DPP6: variants seen among roughly 807,000 people sequenced by gnomAD.
DPP6 encodes dipeptidyl peptidase like 6.
In DPP6, 69 loss-of-function variants were observed where a neutral mutation model predicts 122.6. The ratio of observed to expected loss-of-function variants is 0.56; its 90% CI spans 0.46 to 0.69. The LOEUF is 0.69. DPP6 is among the 30% of genes least tolerant of loss of function. The pLI is 0.00. For missense variants in DPP6, 928 were observed against 1,116.9 expected, an observed-to-expected ratio of 0.83 and a Z score of 2.41; for synonymous variants, 418 against 433.1, an observed-to-expected ratio of 0.97 and a Z score of 0.43.
intron 4 of DPP6, among the ~76,000 whole-genome samples, chr7:154,559,480 C>G (rs1011939382): frequency 6.6e-6 from 1 of 151,932 alleles, no homozygotes; most frequent in Non-Finnish European, 1.5e-5. Context: ...GAAATAATGA[C>G]TGAATTTCTT....
At chr7:153,765,438 A>C in the DPP6 span, among the ~76,000 whole-genome samples, 1 of 152,162 alleles carries the variant, frequency 6.6e-6, no homozygotes, top group Non-Finnish European at 1.5e-5. Flanking sequence ...GCTACTTGGA[A>C]GGCTGAGGCA....
intron 4 of DPP6, among the ~76,000 whole-genome samples, chr7:154,557,235 G>T (rs913979654): frequency 2.0e-4 from 30 of 152,122 alleles, no homozygotes; most frequent in African/African-American, 6.5e-4. Context: ...AGACTGGGGT[G>T]GTCAGAAATG....
chr7:154,633,133 T>G (rs1388265372), intron 5 of DPP6, among the ~76,000 whole-genome samples: 1 of 152,218 alleles, frequency 6.6e-6, no homozygotes, highest in African/African-American at 2.4e-5. Flanking sequence ...AAAATGGCAC[T>G]CTTAGAAAAA....
chr7:153,807,260 A>G, the DPP6 span, among the ~76,000 whole-genome samples: 1 of 151,746 alleles, frequency 6.6e-6, no homozygotes, highest in Admixed American at 6.6e-5. Context: ...TAAAAATACA[A>G]AAATTAGCCA....
intron 1 of DPP6, among the ~76,000 whole-genome samples, chr7:153,964,089 G>A (rs1451973613): frequency 6.6e-6 from 1 of 152,032 alleles, no homozygotes; most frequent in Admixed American, 6.6e-5. Context: ...TCCATCTCCC[G>A]GGCTCAAGTG....
intron 1 of DPP6, among the ~76,000 whole-genome samples, chr7:154,034,085 C>G (rs1049371847): frequency 6.6e-6 from 1 of 152,182 alleles, no homozygotes; most frequent in Non-Finnish European, 1.5e-5. Context: ...ACAGCTGTAT[C>G]AATTTATGGC....
intron 1 of DPP6, chr7:154,058,426 G>A (rs546927942): frequency 6.9e-6 from 1 of 145,798 alleles, no homozygotes; most frequent in East Asian, 2.1e-4. Flanking sequence ...CGAGGGTGGG[G>A]ACTGAGAGCT....
chr7:154,268,033 G>A (rs1343282839), intron 1 of DPP6, among the ~76,000 whole-genome samples: 4 of 151,932 alleles, frequency 2.6e-5, no homozygotes, highest in Admixed American at 2.0e-4. Flanking sequence ...AAAGCTCTTT[G>A]GGGTCCTCAA....
chr7:153,891,049 TCTCA>T (rs1232241216), intron 1 of DPP6, among the ~76,000 whole-genome samples: 12 of 116,334 alleles, frequency 1.0e-4, no homozygotes, highest in Non-Finnish European at 1.9e-4. Flanking sequence ...TGAGATGGAG[TCTCA>T]CTCTGTCACC....
chr7:154,177,378 G>A (rs1797858529), intron 1 of DPP6, among the ~76,000 whole-genome samples: 1 of 152,196 alleles, frequency 6.6e-6, no homozygotes, highest in African/African-American at 2.4e-5. Flanking sequence ...ACATATGACT[G>A]TAAGTGTTAA....
At chr7:154,549,549 G>T (rs1430224588) in intron 4 of DPP6, among the ~76,000 whole-genome samples, 1 of 152,156 alleles carries the variant, frequency 6.6e-6, no homozygotes, top group Non-Finnish European at 1.5e-5. Flanking sequence ...GACTTAATTT[G>T]GAAGTTTGCC....
chr7:154,049,029 T>C (rs373601314), upstream of DPP6, among the ~76,000 whole-genome samples: 4,123 of 144,136 alleles, frequency 0.029, 38 homozygotes, highest in African/African-American at 0.081. Context: ...CATATGAAAC[T>C]AGATAGAAAA....
chr7:154,174,681 A>G (rs1797705576), intron 1 of DPP6, among the ~76,000 whole-genome samples: 1 of 152,032 alleles, frequency 6.6e-6, no homozygotes, highest in Admixed American at 6.6e-5. Flanking sequence ...ACAAATCGAT[A>G]TCTCCAAGGT....
chr7:153,916,590 G>T (rs1407037115), intron 1 of DPP6, among the ~76,000 whole-genome samples: 6 of 151,368 alleles, frequency 4.0e-5, no homozygotes, highest in African/African-American at 1.5e-4. Context: ...TGTATTTTTA[G>T]TAGAAACGGG....
chr7:154,180,428 ATAAT>A (rs1162824293), intron 1 of DPP6, among the ~76,000 whole-genome samples: 1 of 143,660 alleles, frequency 7.0e-6, no homozygotes, highest in Non-Finnish European at 1.5e-5. Flanking sequence ...TATATAATAT[ATAAT>A]ATATATACAC....
At chr7:153,984,583 A>G (rs1465445032) in intron 1 of DPP6, among the ~76,000 whole-genome samples, 2 of 151,822 alleles carry the variant, frequency 1.3e-5, no homozygotes, top group Middle Eastern at 7.0e-3. Context: ...AATGAATCCT[A>G]TGGAAATACA....
chr7:153,980,166 T>A (rs1445482658), intron 1 of DPP6, among the ~76,000 whole-genome samples: 1 of 152,216 alleles, frequency 6.6e-6, no homozygotes, highest in Non-Finnish European at 1.5e-5. Flanking sequence ...TGTGAATCCG[T>A]CTGGTCCTGG....
At chr7:154,711,939 T>TACACACACACACACAC (rs57187871) in intron 7 of DPP6, among the ~76,000 whole-genome samples, 45 of 63,836 alleles carry the variant, frequency 7.0e-4, no homozygotes, top group African/African-American at 1.7e-3. Flanking sequence ...TGTCACTTAA[T>TACACACACACACACAC]ACACACACAC....
At chr7:154,554,638 C>G (rs1442973056) in intron 4 of DPP6, among the ~76,000 whole-genome samples, 1 of 152,056 alleles carries the variant, frequency 6.6e-6, no homozygotes, top group Non-Finnish European at 1.5e-5. Context: ...TACATGTAGA[C>G]CAATATTTTT....
Sources: gnomAD v4.1 joint callset for allele counts (sites outside exome capture counted in the v4.1 genomes callset) on GRCh38, gnomAD v4.1.1 for gene constraint, MANE v1.5 for transcripts, NCBI Gene and HGNC (gene_info 2026-07-23, HGNC 2026-07-21) for gene names.